Variants in LCLAT1 observed in about 807,000 individuals in gnomAD.
LCLAT1 encodes 1-AGP acyltransferase 8.
A neutral mutation model predicts 30.7 loss-of-function variants in LCLAT1; 11 were observed. The ratio of observed to expected loss-of-function variants is 0.36; its 90% confidence interval spans 0.23 to 0.59. The LOEUF (loss-of-function observed/expected upper bound fraction) is 0.59. LCLAT1 is among the 20% of genes least tolerant of loss of function. The pLI is 0.77. For missense variants in LCLAT1, 402 were observed against 458.6 expected (o/e 0.88, Z 1.13); for synonymous variants, 155 against 151.3 (o/e 1.02, Z -0.18).
intron 1 of LCLAT1, among the ~76,000 whole-genome samples, chr2:30,460,230 C>T (rs560859672): frequency 1.2e-4 from 19 of 152,312 alleles, no homozygotes; most frequent in African/African-American, 4.1e-4. Context: ...CCTCTCTCAT[C>T]TCTAGGCTCA....
chr2:30,449,134 A>T (rs1321109606), intron 1 of LCLAT1, among the ~76,000 whole-genome samples: 1 of 152,224 alleles, frequency 6.6e-6, no homozygotes, highest in Non-Finnish European at 1.5e-5. Context: ...TCCATATCAC[A>T]CAATTAGCAT....
At chr2:30,473,308 G>A (rs1178398489) in intron 1 of LCLAT1, among the ~76,000 whole-genome samples, 1 of 152,120 alleles carries the variant, frequency 6.6e-6, no homozygotes, top group Non-Finnish European at 1.5e-5. Flanking sequence ...AGGGCGGGTT[G>A]TATGCTTCTT....
chr2:30,620,968 T>G (rs1371828995), intron 5 of LCLAT1, among the ~76,000 whole-genome samples: 2 of 152,170 alleles, frequency 1.3e-5, no homozygotes, highest in East Asian at 3.9e-4. Context: ...TATTTCTATA[T>G]GTAAAGGCTT....
At chr2:30,453,403 G>T (rs1475581399) in intron 1 of LCLAT1, among the ~76,000 whole-genome samples, 2 of 152,326 alleles carry the variant, frequency 1.3e-5, no homozygotes, top group East Asian at 3.9e-4. Flanking sequence ...GGGAAAGGCA[G>T]CCTTGGCTGT....
intron 3 of LCLAT1, among the ~76,000 whole-genome samples, chr2:30,541,840 G>GT (rs11408676): frequency 0.58 from 88,658 of 151,848 alleles, 27,090 homozygotes; most frequent in Non-Finnish European, 0.68. Context: ...TACCAGTAGT[G>GT]TAAGAGAGAG....
At chr2:30,502,982 A>G (rs1684471792) in intron 1 of LCLAT1, among the ~76,000 whole-genome samples, 1 of 152,228 alleles carries the variant, frequency 6.6e-6, no homozygotes, top group South Asian at 2.1e-4. Flanking sequence ...GGCCCAGAGT[A>G]GGCAACGTAT....
intron 1 of LCLAT1, among the ~76,000 whole-genome samples, chr2:30,466,863 C>A (rs1347779578): frequency 6.6e-6 from 1 of 152,100 alleles, no homozygotes; most frequent in Non-Finnish European, 1.5e-5. Flanking sequence ...AATTTCAAAT[C>A]TTTAGGGTTG....
At chr2:30,556,483 A>T (rs967198797) in intron 3 of LCLAT1, among the ~76,000 whole-genome samples, 44 of 151,594 alleles carry the variant, frequency 2.9e-4, no homozygotes, top group Non-Finnish European at 7.4e-5. Flanking sequence ...ACCACAAGGG[A>T]GTATAAGAAA....
intron 5 of LCLAT1, among the ~76,000 whole-genome samples, chr2:30,625,520 TCC>T (rs1449360882): frequency 6.6e-6 from 1 of 152,154 alleles, no homozygotes; most frequent in Non-Finnish European, 1.5e-5. Context: ...ACTGATAATA[TCC>T]CATCTTCAGC....
intron 5 of LCLAT1, among the ~76,000 whole-genome samples, chr2:30,598,028 C>G (rs1667006136): frequency 1.3e-5 from 2 of 152,132 alleles, no homozygotes; most frequent in African/African-American, 4.8e-5. Context: ...TGATAGGCTG[C>G]TGGTTTCAGT....
chr2:30,450,877 T>C (rs1489864633), intron 1 of LCLAT1, among the ~76,000 whole-genome samples: 1 of 152,112 alleles, frequency 6.6e-6, no homozygotes, highest in Non-Finnish European at 1.5e-5. Context: ...TCTTTAAAAT[T>C]GGAAACTTCT....
chr2:30,521,634 G>A (rs1169902119), intron 1 of LCLAT1, among the ~76,000 whole-genome samples: 2 of 147,186 alleles, frequency 1.4e-5, no homozygotes, highest in East Asian at 4.2e-4. Context: ...ACCCTCCCTA[G>A]TAACTGGGAT....
At chr2:30,477,342 T>A (rs1185970462) in intron 1 of LCLAT1, among the ~76,000 whole-genome samples, 1 of 152,184 alleles carries the variant, frequency 6.6e-6, no homozygotes, top group African/African-American at 2.4e-5. Context: ...TGTATTCAGG[T>A]TAGTGCTTGT....
At chr2:30,570,253 T>C (rs1001687291) in intron 5 of LCLAT1, among the ~76,000 whole-genome samples, 1 of 152,134 alleles carries the variant, frequency 6.6e-6, no homozygotes, top group African/African-American at 2.4e-5. Flanking sequence ...CCAACATCCC[T>C]CCTGTATCAG....
intron 2 of LCLAT1, among the ~76,000 whole-genome samples, chr2:30,528,577 G>A (rs1196730341): frequency 6.6e-6 from 1 of 152,124 alleles, no homozygotes; most frequent in Non-Finnish European, 1.5e-5. Context: ...GTCAGGTAGG[G>A]TAATATCAAT....
chr2:30,505,734 G>A (rs184754942), intron 1 of LCLAT1, among the ~76,000 whole-genome samples: 47 of 148,448 alleles, frequency 3.2e-4, no homozygotes, highest in Middle Eastern at 3.5e-3. Context: ...TACTTGTAAC[G>A]TTATAATGTA....
chr2:30,521,957 A>T (rs796113238), intron 1 of LCLAT1, among the ~76,000 whole-genome samples: 1 of 152,192 alleles, frequency 6.6e-6, no homozygotes, highest in East Asian at 1.9e-4. Context: ...TTTTAAAATC[A>T]TATCTTTTGA....
intron 1 of LCLAT1, among the ~76,000 whole-genome samples, chr2:30,520,688 A>T (rs993428653): frequency 6.6e-6 from 1 of 152,186 alleles, no homozygotes; most frequent in Non-Finnish European, 1.5e-5. Flanking sequence ...AGCTATATAC[A>T]TTTTAGGTGT....
intron 1 of LCLAT1, among the ~76,000 whole-genome samples, chr2:30,458,455 G>A (rs188884903): frequency 2.8e-4 from 43 of 152,288 alleles, no homozygotes; most frequent in Middle Eastern, 3.4e-3. Context: ...GGAAGGGTTG[G>A]ATTTTGCCTA....
Sources: gnomAD v4.1 joint callset for allele counts (sites outside exome capture counted in the v4.1 genomes callset) on GRCh38, gnomAD v4.1.1 for gene constraint, MANE v1.5 for transcripts, NCBI Gene and HGNC (gene_info 2026-07-23, HGNC 2026-07-21) for gene names.